TMEM232: variants seen among roughly 807,000 people sequenced by gnomAD.
TMEM232 encodes the protein transmembrane protein 232.
In TMEM232, 80 loss-of-function variants were observed where a neutral mutation model predicts 78.8. The ratio of observed to expected loss-of-function variants is 1.01; its 90% CI spans 0.85 to 1.22. The LOEUF is 1.22. Ranked by LOEUF, TMEM232 falls within the 50% of genes most tolerant of loss-of-function variation. The probability of loss-of-function intolerance (pLI) is 0.00; values close to 1 mark genes in which losing one functional copy is unlikely to be tolerated. For synonymous variants in TMEM232, 297 were observed against 254.3 expected (o/e 1.17, Z -1.60); for missense variants, 881 against 742.2 (o/e 1.19, Z -2.17).
intron 12 of TMEM232, among the ~76,000 whole-genome samples, chr5:110,470,362 G>A (rs567661754): frequency 6.6e-6 from 1 of 152,044 alleles, no homozygotes; most frequent in Non-Finnish European, 1.5e-5. Context: ...CACAGAGAAT[G>A]AACTTGTATG....
chr5:110,705,630 T>C (rs1168471166), intron 1 of TMEM232, among the ~76,000 whole-genome samples: 1 of 141,672 alleles, frequency 7.1e-6, no homozygotes, highest in Non-Finnish European at 1.6e-5. Flanking sequence ...TATACATTTG[T>C]GGAAAAAATA....
chr5:110,597,957 G>T (rs1780388313), intron 10 of TMEM232, among the ~76,000 whole-genome samples: 1 of 152,104 alleles, frequency 6.6e-6, no homozygotes, highest in South Asian at 2.1e-4. Context: ...GCATGGGCAA[G>T]GACTTCATGT....
intron 12 of TMEM232, among the ~76,000 whole-genome samples, chr5:110,443,039 G>A (rs1324477481): frequency 2.6e-5 from 4 of 152,168 alleles, no homozygotes; most frequent in Non-Finnish European, 5.9e-5. Flanking sequence ...CCTGATGTCA[G>A]CACAGCACTG....
chr5:110,546,422 C>G (rs1024954000), intron 11 of TMEM232, among the ~76,000 whole-genome samples: 1 of 152,000 alleles, frequency 6.6e-6, no homozygotes, highest in Non-Finnish European at 1.5e-5. Context: ...AAAATTTCTA[C>G]TTAATTCCAT....
chr5:110,681,413 C>T (rs1320860224), intron 1 of TMEM232, among the ~76,000 whole-genome samples: 1 of 152,104 alleles, frequency 6.6e-6, no homozygotes, highest in African/African-American at 2.4e-5. Flanking sequence ...ATAAGCACTC[C>T]CTACCTGTTC....
intron 12 of TMEM232, among the ~76,000 whole-genome samples, chr5:110,434,586 G>C (rs1483758726): frequency 6.6e-6 from 1 of 151,098 alleles, no homozygotes; most frequent in Non-Finnish European, 1.5e-5. Context: ...CGAGGAGGAA[G>C]GACACCTCCC....
intron 2 of TMEM232, among the ~76,000 whole-genome samples, chr5:110,656,205 C>CT (rs1789033472): frequency 6.6e-6 from 1 of 152,148 alleles, no homozygotes; most frequent in Non-Finnish European, 1.5e-5. Flanking sequence ...ATTGTAGCCC[C>CT]CAATCAACGT....
chr5:110,569,637 T>C (rs943857092), intron 10 of TMEM232, among the ~76,000 whole-genome samples: 2 of 151,850 alleles, frequency 1.3e-5, no homozygotes, highest in Admixed American at 6.6e-5. Flanking sequence ...TGAATAAAGA[T>C]AGAAGAACAA....
chr5:110,570,694 C>G (rs1403399855), intron 10 of TMEM232, among the ~76,000 whole-genome samples: 1 of 151,904 alleles, frequency 6.6e-6, no homozygotes, highest in Non-Finnish European at 1.5e-5. Flanking sequence ...CTTCCTAGTT[C>G]TTTCATCTTC....
intron 3 of TMEM232, among the ~76,000 whole-genome samples, chr5:110,396,709 T>C: frequency 6.6e-6 from 1 of 152,162 alleles, no homozygotes; most frequent in East Asian, 1.9e-4. Flanking sequence ...TGCAGTGCTG[T>C]TTTGTTACAT....
chr5:110,498,314 A>T (rs2149436404), intron 12 of TMEM232, among the ~76,000 whole-genome samples: 1 of 152,222 alleles, frequency 6.6e-6, no homozygotes, highest in Non-Finnish European at 1.5e-5. Flanking sequence ...ATCAAAATAA[A>T]AACAAAAACA....
In TMEM232 at chr5:110,618,565, G is replaced by A. The variant is rs1211999605; in HGVS notation, c.769-3C>T. On this transcript the variant is annotated splice_region_variant and splice_polypyrimidine_tract_variant and intron_variant, in intron 7 of 13. Transcript: ENST00000455884. ...AGGTGGTTAATTTCATATCCTCCCT[G>A]ATTAAATTGCAAATGTTTCAGGAAT... The A allele has an allele frequency of 6.5e-6, 10 of 1,537,926 alleles. No individual in the cohort carries two copies. In the Admixed American group the frequency reaches 2.1e-4, roughly 33 times the overall value.
At chr5:110,672,677 C>T (rs1791517198) in intron 1 of TMEM232, among the ~76,000 whole-genome samples, 1 of 151,970 alleles carries the variant, frequency 6.6e-6, no homozygotes, top group Non-Finnish European at 1.5e-5. Context: ...AATAATCCTC[C>T]CTCCCCCAAA....
intron 10 of TMEM232, among the ~76,000 whole-genome samples, chr5:110,592,632 A>G (rs931490472): frequency 6.6e-6 from 1 of 152,216 alleles, no homozygotes; most frequent in Non-Finnish European, 1.5e-5. Flanking sequence ...CGAACATAAG[A>G]AAGACATCAG....
chr5:110,507,021 G>A (rs1359173476), intron 12 of TMEM232, among the ~76,000 whole-genome samples: 1 of 152,128 alleles, frequency 6.6e-6, no homozygotes, highest in Non-Finnish European at 1.5e-5. Flanking sequence ...TAAAGTTACT[G>A]CTTACTGAGC....
intron 12 of TMEM232, among the ~76,000 whole-genome samples, chr5:110,505,140 C>T (rs919931438): frequency 6.6e-5 from 10 of 152,074 alleles, no homozygotes; most frequent in African/African-American, 2.2e-4. Context: ...ACTCTGATTC[C>T]CAGCTCCCTA....
intron 3 of TMEM232, among the ~76,000 whole-genome samples, chr5:110,397,425 G>C (rs7729697): frequency 0.064 from 9,711 of 152,126 alleles, 649 homozygotes; most frequent in African/African-American, 0.17. Flanking sequence ...GAGAAAGCAT[G>C]TTTCTTTTCT....
chr5:110,409,803 T>A (rs77937403), intron 2 of TMEM232, among the ~76,000 whole-genome samples: 1 of 152,144 alleles, frequency 6.6e-6, no homozygotes, highest in Non-Finnish European at 1.5e-5. Context: ...TTGTCACTCA[T>A]AGAGCAGGCA....
At chr5:110,484,151 G>C (rs1764210937) in intron 12 of TMEM232, among the ~76,000 whole-genome samples, 1 of 152,026 alleles carries the variant, frequency 6.6e-6, no homozygotes, top group Non-Finnish European at 1.5e-5. Flanking sequence ...ATAGATACTG[G>C]AGATTACTGG....
Sources: allele counts gnomAD v4.1 joint callset (sites outside exome capture counted in the v4.1 genomes callset), GRCh38; gene constraint gnomAD v4.1.1; transcripts MANE v1.5; gene names NCBI Gene and HGNC (gene_info 2026-07-23, HGNC 2026-07-21).